The following HTATSF1 variants were observed in gnomAD, a reference collection of about 807,000 sequenced individuals.
The protein encoded by HTATSF1 is 17S U2 SnRNP complex component HTATSF1.
Under a neutral mutation model 46.1 loss-of-function variants are expected in HTATSF1, and 6 were observed. The observed-to-expected ratio is 0.13, with a 90% CI of 0.07 to 0.26. The LOEUF (loss-of-function observed/expected upper bound fraction) is 0.26. HTATSF1 is among the 10% of genes least tolerant of loss of function. The pLI is 1.00. For missense variants in HTATSF1, 452 were observed against 559.9 expected, an observed-to-expected ratio of 0.81 and a Z score of 1.94; for synonymous variants, 226 against 211.5, an observed-to-expected ratio of 1.07 and a Z score of -0.60.
rs775866546 is a variant in HTATSF1, at chrX:136,509,208, C to A, written c.924+28C>A. The A allele has an allele frequency of 9.9e-6, 10 of 1,008,794 alleles. No individual in the cohort carries two copies. In the Admixed American group the frequency reaches 2.2e-4, roughly 22 times the overall value. The allele number at this position is 1,008,794 out of a possible 1,213,427, so 83.1% of individuals were successfully genotyped here. A position where few individuals can be genotyped will look rare whatever the true frequency, so the allele number is the denominator to read the frequency against. ...AAGTTCATGGCTTGGACATATGGAT[C>A]CTAAAGCAATAATTCCTCCACCTTA... On this transcript the variant is annotated intron_variant, in intron 7 of 8. Coordinates refer to ENST00000218364, the MANE Select transcript of HTATSF1 (RefSeq NM_014500.5).
intron 6 of HTATSF1, among the ~76,000 whole-genome samples, chrX:136,508,866 G>T (rs779760259): frequency 8.6e-4 from 97 of 112,529 alleles, no homozygotes; most frequent in Non-Finnish European, 1.5e-3. Flanking sequence ...TGCCATACTT[G>T]TCCATTTCCT....
chrX:136,499,705 G>A lies in HTATSF1; in HGVS notation c.294G>A (p.Glu98=), dbSNP rs144867147. Residue 98 remains glutamate, a synonymous_variant, in exon 2 of 9, where the codon GAG becomes GAA. Coordinates refer to ENST00000218364, the MANE Select transcript of HTATSF1 (RefSeq NM_014500.5). The stretch of plus-strand genomic sequence containing the variant: ...AAGATGTCCATGCTAGGACTGCAGA[G>A]GAACCTCCACAAGAAAAAGCCCCGG... ...NVEDVHARTA[E]EPPQEKAPEP... 2.5e-4 allele frequency: 294 copies of A among 1,199,219 alleles called. 1 individual carries two copies. The highest frequency in any genetic ancestry group is 4.0e-4 in the South Asian group (22 of 54,406).
chrX:136,497,596 C>T lies in HTATSF1; in HGVS notation c.-89C>T. The T allele has an allele frequency of 1.3e-6, 1 of 781,982 alleles. No homozygotes were observed. The highest frequency in any genetic ancestry group is 1.8e-6 in the Non-Finnish European group (1 of 566,335). The allele number at this position is 781,982 out of a possible 1,213,427, so 64.4% of individuals were successfully genotyped here. A position where few individuals can be genotyped will look rare whatever the true frequency, so the allele number is the denominator to read the frequency against. ...GGGGGGCGGCGGGGCGCGAGCAGAG[C>T]GCGGTTGACCTCCCTTTCTCTGCTC... On this transcript the variant is annotated 5_prime_UTR_variant, in exon 1 of 9. Coordinates refer to ENST00000218364, the MANE Select transcript of HTATSF1 (RefSeq NM_014500.5).
At chrX:136,497,953 A>AGATCCTT in intron 1 of HTATSF1, 83 bp downstream of exon 1, 1 of 780,802 alleles carries the variant, frequency 1.3e-6, no homozygotes, top group Non-Finnish European at 1.8e-6. Context: ...TGCTTTGCTG[A>AGATCCTT]GATCCTTGGT....
At chrX:136,510,007 C>T in intron 7 of HTATSF1, 75 bp from the exon 8 acceptor site, 3 of 967,921 alleles carry the variant, frequency 3.1e-6, no homozygotes, top group Non-Finnish European at 4.3e-6. Flanking sequence ...CTACTACTTA[C>T]CTACTTTGTG....
Position 136,511,824 on chromosome X carries a change from C to T in HTATSF1, c.2079C>T (p.Asp693=), listed in dbSNP as rs777536343. The change falls in exon 9 of 9, where the codon GAC becomes GAT. Residue 693 remains aspartate, a synonymous_variant. Transcript: ENST00000218364. ...ATGGAAAGGAAGTTGAAGATGCTGACGAAAAGTTGTTCGAAGATGATGATT... is the reference window on the plus strand; with the variant it reads ...ATGGAAAGGAAGTTGAAGATGCTGATGAAAAGTTGTTCGAAGATGATGATT... ...DADGKEVEDA[D]EKLFEDDDSN... 5.7e-5 allele frequency: 69 copies of T among 1,209,264 alleles called. No individual in the cohort carries two copies. In the East Asian group the frequency reaches 5.9e-4, roughly 10 times the overall value.
At chrX:136,507,309 G>A (rs775233094) in intron 6 of HTATSF1, among the ~76,000 whole-genome samples, 1 of 112,260 alleles carries the variant, frequency 8.9e-6, no homozygotes, top group South Asian at 3.7e-4. Flanking sequence ...CATTTTTAAT[G>A]TAACTTCAGA....
rs779572544 is a variant in HTATSF1 at position 136,511,882 on chromosome X, T to G, written c.2137T>G (p.Ser713Ala). Residue 713 changes from serine to alanine, a missense_variant, in exon 9 of 9, where the codon TCC becomes GCC. Physicochemically the swap from Ser to Ala is moderately conservative, Grantham distance 99. This residue lies in a region of HTATSF1 where 246 missense variants were observed against 245.3 expected (regional missense o/e 1.00). Coordinates refer to ENST00000218364, the MANE Select transcript of HTATSF1 (RefSeq NM_014500.5). ...NEKLFDEEED[S>A]SEKLFDDSDE... ...GAAGTTGTTTGATGAGGAGGAAGAT[T>G]CCAGTGAGAAGTTGTTTGACGATTC... 1 of 1,211,639 alleles carries G rather than the reference T, an allele frequency of 8.3e-7. No homozygotes were observed. Among genetic ancestry groups the G allele is most frequent in the South Asian group, 1.8e-5 (1 of 56,969 alleles).
Position 136,512,028 on chromosome X carries a change from T to G in HTATSF1, c.*15T>G, listed in dbSNP as rs1318066105. 4.2e-6 allele frequency: 5 copies of G among 1,179,770 alleles called. No individual in the cohort carries two copies. ...ATGATATTTAATCCCTTAAACTTGC[T>G]TTTTAGGGAGAGTCCTCCATCTACA... On this transcript the variant is annotated 3_prime_UTR_variant, in exon 9 of 9. Transcript: ENST00000218364.
intron 6 of HTATSF1, among the ~76,000 whole-genome samples, chrX:136,507,252 CAGTT>C (rs1416414418): frequency 2.7e-5 from 3 of 111,873 alleles, no homozygotes; most frequent in Non-Finnish European, 3.8e-5. Context: ...TGATTCCAAA[CAGTT>C]AGAAGCAACA....
intron 6 of HTATSF1, among the ~76,000 whole-genome samples, chrX:136,506,775 G>T (rs2075744218): frequency 8.9e-6 from 1 of 112,288 alleles, no homozygotes; most frequent in South Asian, 3.7e-4. Flanking sequence ...AGCTTGCTGA[G>T]AGCGTGTCAA....
intron 6 of HTATSF1, among the ~76,000 whole-genome samples, chrX:136,508,859 C>CA (rs1376911088): frequency 1.9e-4 from 21 of 112,654 alleles, no homozygotes; most frequent in Middle Eastern, 4.6e-3. Flanking sequence ...TGCTGCCTGC[C>CA]ATACTTGTCC....
chrX:136,502,556 C>G (rs1407344787), intron 4 of HTATSF1, among the ~76,000 whole-genome samples: 2 of 111,142 alleles, frequency 1.8e-5, no homozygotes, highest in Non-Finnish European at 3.8e-5. Flanking sequence ...ATAATTTACC[C>G]AAGTTCACAC....
Position 136,497,801 on chromosome X carries a change from T to C in HTATSF1, c.117T>C (p.Asp39=), listed in dbSNP as rs767409121. ...AGACCGATGCCGGCGGAGAACCCGATTCTCTCGGGCAGCAGCCGACGGACA... is the reference window on the plus strand; with the variant it reads ...AGACCGATGCCGGCGGAGAACCCGACTCTCTCGGGCAGCAGCCGACGGACA... ...DTQTDAGGEP[D]SLGQQPTDTP... is the part of the protein sequence containing the mutation. The change falls in exon 1 of 9, where the codon GAT becomes GAC. Residue 39 remains aspartate (D), a synonymous_variant. Transcript: ENST00000218364. 9 of 1,199,859 alleles carry C rather than the reference T, an allele frequency of 7.5e-6. No individual in the cohort carries two copies. Among genetic ancestry groups the C allele is most frequent in the Non-Finnish European group, 1.0e-5 (9 of 887,494 alleles).
rs1427726526 is a variant in HTATSF1 at position 136,499,663 on chromosome X, T to C, written c.252T>C (p.Ser84=). The change falls in exon 2 of 9, where the codon AGT becomes AGC. Residue 84 remains serine (S), a synonymous_variant. Coordinates refer to ENST00000218364, the MANE Select transcript of HTATSF1 (RefSeq NM_014500.5). ...GCTTCTCTAACGATGGCGCATCTAGTTCTACCGCAAATGTTGAAGATGTCC... is the reference window on the plus strand; with the variant it reads ...GCTTCTCTAACGATGGCGCATCTAGCTCTACCGCAAATGTTGAAGATGTCC... ...NYGFSNDGAS[S]STANVEDVHA... The C allele has an allele frequency of 1.7e-5, 20 of 1,200,651 alleles. No homozygotes were observed. The Admixed American group carries it at 4.6e-4, about 28-fold the overall frequency.
intron 2 of HTATSF1, 123 bp downstream of exon 2, chrX:136,499,901 G>T: frequency 1.9e-6 from 1 of 538,723 alleles, no homozygotes; most frequent in South Asian, 3.9e-5. Flanking sequence ...TTTCTTTAAG[G>T]TAGTGTCAGT....
At chrX:136,506,208 A>G (rs889335487) in intron 6 of HTATSF1, among the ~76,000 whole-genome samples, 3 of 111,701 alleles carry the variant, frequency 2.7e-5, no homozygotes, top group African/African-American at 3.3e-5. Context: ...CCAAAACCAC[A>G]TTTATTCTAC....
chrX:136,504,800 A>G (rs1026707689), intron 6 of HTATSF1, among the ~76,000 whole-genome samples: 2 of 112,358 alleles, frequency 1.8e-5, no homozygotes, highest in African/African-American at 3.2e-5. Flanking sequence ...GCCAACAAGT[A>G]TGGCCTGATT....
Position 136,510,172 on chromosome X carries a change from G to A in HTATSF1, c.1015G>A (p.Gly339Ser). Residue 339 changes from glycine to serine, a missense_variant, in exon 8 of 9, where the codon GGC becomes AGC. Coordinates refer to ENST00000218364, the MANE Select transcript of HTATSF1 (RefSeq NM_014500.5). ...IQTLDGRWFG[G>S]RQITAQAWDG... Reference sequence around the variant, plus strand: ...GACTCTCGATGGAAGATGGTTTGGTGGCCGTCAAATCACTGCCCAGGCATG... The same window carrying A: ...GACTCTCGATGGAAGATGGTTTGGTAGCCGTCAAATCACTGCCCAGGCATG... The A allele has an allele frequency of 8.3e-7, 1 of 1,210,545 alleles. No individual in the cohort carries two copies. Among genetic ancestry groups the A allele is most frequent in the Non-Finnish European group, 1.1e-6 (1 of 894,730 alleles).
Sources: gnomAD v4.1 joint callset for allele counts (sites outside exome capture counted in the v4.1 genomes callset) on GRCh38, gnomAD v4.1.1 for gene constraint, gnomAD v4.1.1 regional missense constraint, MANE v1.5 for transcripts, NCBI Gene and HGNC (gene_info 2026-07-23, HGNC 2026-07-21) for gene names.